The following ROBO2 variants were observed in gnomAD, a reference collection of about 807,000 sequenced individuals.
ROBO2 encodes the protein roundabout homolog 2.
In ROBO2, 53 loss-of-function variants were observed where a neutral mutation model predicts 160.8. That is an observed-to-expected ratio of 0.33 (90% CI 0.26 to 0.41). The LOEUF (loss-of-function observed/expected upper bound fraction) is 0.41, where lower values mean the gene tolerates loss of function less well. ROBO2 is among the 10% of genes least tolerant of loss of function. ROBO2 has a pLI of 1.00. For synonymous variants in ROBO2, 664 were observed against 611.7 expected (o/e 1.09, Z -1.26); for missense variants, 1,577 against 1,722.4 (o/e 0.92, Z 1.49).
At chr3:76,785,189 C>T (rs531412117) in intron 2 of ROBO2, among the ~76,000 whole-genome samples, 1 of 151,226 alleles carries the variant, frequency 6.6e-6, no homozygotes, top group African/African-American at 2.4e-5. Context: ...TACAGATCTT[C>T]CATTACTAAG....
intron 2 of ROBO2, among the ~76,000 whole-genome samples, chr3:76,279,163 A>T (rs1342493440): frequency 6.6e-6 from 1 of 151,514 alleles, no homozygotes; most frequent in East Asian, 1.9e-4. Flanking sequence ...TGGTGTGTGT[A>T]CGAGAGAGAG....
At chr3:76,223,154 C>A (rs376895070) in intron 2 of ROBO2, among the ~76,000 whole-genome samples, 2 of 151,790 alleles carry the variant, frequency 1.3e-5, no homozygotes, top group African/African-American at 2.4e-5. Context: ...ATTAATGGTA[C>A]ACTTCCTCAT....
intron 2 of ROBO2, among the ~76,000 whole-genome samples, chr3:76,150,394 A>ACATACATCTGTCTAAAG (rs2072135476): frequency 2.0e-5 from 3 of 148,208 alleles, no homozygotes; most frequent in African/African-American, 7.5e-5. Flanking sequence ...CCTTTTTAAA[A>ACATACATCTGTCTAAAG]CACACATCTG....
chr3:77,039,899 A>C (rs1270988479), exon 1 of ROBO2: 3 of 158,650 alleles, frequency 1.9e-5, no homozygotes, highest in African/African-American at 7.2e-5. Flanking sequence ...GAGGGGCCTC[A>C]GCGCGCCTGG....
intron 2 of ROBO2, among the ~76,000 whole-genome samples, chr3:76,753,469 A>G (rs1576429304): frequency 1.3e-5 from 2 of 151,970 alleles, no homozygotes; most frequent in South Asian, 4.1e-4. Flanking sequence ...ATATACATCC[A>G]CAGTATGCTT....
chr3:76,065,979 T>A (rs954800077), intron 2 of ROBO2, among the ~76,000 whole-genome samples: 6 of 126,570 alleles, frequency 4.7e-5, no homozygotes, highest in African/African-American at 6.4e-5. Flanking sequence ...GAACCCTAAG[T>A]ACAATTTAGG....
intron 5 of ROBO2, among the ~76,000 whole-genome samples, chr3:77,507,097 A>C (rs2088653043): frequency 1.3e-5 from 2 of 152,194 alleles, no homozygotes; most frequent in African/African-American, 4.8e-5. Flanking sequence ...TCCTAATTAG[A>C]GAAGTGTCTG....
chr3:77,391,804 C>T (rs1274492088), intron 2 of ROBO2, among the ~76,000 whole-genome samples: 1 of 152,092 alleles, frequency 6.6e-6, no homozygotes, highest in Non-Finnish European at 1.5e-5. Context: ...CATGATCCTC[C>T]CAGCTCGGCC....
chr3:76,625,801 A>G (rs754392389), intron 2 of ROBO2, among the ~76,000 whole-genome samples: 36 of 152,210 alleles, frequency 2.4e-4, no homozygotes, highest in Non-Finnish European at 4.4e-4. Context: ...TTGTAAGCCA[A>G]TATACAACCT....
intron 2 of ROBO2, among the ~76,000 whole-genome samples, chr3:76,202,704 G>A (rs1702595231): frequency 6.6e-6 from 1 of 152,142 alleles, no homozygotes; most frequent in Non-Finnish European, 1.5e-5. Context: ...GTAGTTATGG[G>A]TGTGGGTGTT....
intron 2 of ROBO2, among the ~76,000 whole-genome samples, chr3:77,196,454 G>C (rs1464382488): frequency 6.6e-6 from 1 of 151,370 alleles, no homozygotes; most frequent in African/African-American, 2.4e-5. Flanking sequence ...TGAGACATAT[G>C]CTTAATATTT....
At chr3:76,417,745 A>T (rs1475604626) in intron 2 of ROBO2, among the ~76,000 whole-genome samples, 1 of 152,152 alleles carries the variant, frequency 6.6e-6, no homozygotes, top group Non-Finnish European at 1.5e-5. Context: ...AAACCAAACT[A>T]TTACATTAAG....
intron 1 of ROBO2, among the ~76,000 whole-genome samples, chr3:75,915,733 A>G (rs1946785201): frequency 6.6e-6 from 1 of 152,156 alleles, no homozygotes; most frequent in African/African-American, 2.4e-5. Flanking sequence ...AATGGTGTAG[A>G]GAGAAGAGTG....
At chr3:77,629,378 A>G (rs2095107835) in intron 23 of ROBO2, 1 of 152,156 alleles carries the variant, frequency 6.6e-6, no homozygotes, top group Admixed American at 6.6e-5. Flanking sequence ...TCACTATGCT[A>G]GATCCTCAGG....
intron 2 of ROBO2, among the ~76,000 whole-genome samples, chr3:77,188,969 G>GTGTGTGTGTGTGAGAGAGAC (rs10692115): frequency 3.1e-4 from 27 of 86,946 alleles, no homozygotes; most frequent in African/African-American, 9.0e-4. Context: ...GTGTGTGTGT[G>GTGTGTGTGTGTGAGAGAGAC]AGAGAGAGAG....
intron 2 of ROBO2, among the ~76,000 whole-genome samples, chr3:77,329,693 A>G (rs906869058): frequency 6.6e-6 from 1 of 152,148 alleles, no homozygotes; most frequent in Non-Finnish European, 1.5e-5. Context: ...TATACTTCCC[A>G]CAGTGCTTAG....
chr3:76,711,065 C>T (rs1005501417), intron 2 of ROBO2, among the ~76,000 whole-genome samples: 2 of 152,116 alleles, frequency 1.3e-5, no homozygotes, highest in East Asian at 1.9e-4. Context: ...TTATTGCTAT[C>T]GCTGCTTTTC....
intron 2 of ROBO2, among the ~76,000 whole-genome samples, chr3:76,328,895 TA>T (rs2073250467): frequency 8.6e-6 from 1 of 116,772 alleles, no homozygotes. Context: ...TATATATATA[TA>T]TATTTATGTT....
At chr3:76,812,547 A>G (rs1049459039) in intron 2 of ROBO2, among the ~76,000 whole-genome samples, 1 of 151,970 alleles carries the variant, frequency 6.6e-6, no homozygotes, top group African/African-American at 2.4e-5. Context: ...ACAGAAAAGA[A>G]TTGGACATCT....
Sources: gnomAD v4.1 joint callset for allele counts (sites outside exome capture counted in the v4.1 genomes callset) on GRCh38, gnomAD v4.1.1 for gene constraint, MANE v1.5 for transcripts, NCBI Gene and HGNC (gene_info 2026-07-23, HGNC 2026-07-21) for gene names.